EPM2A: variants seen among roughly 807,000 people sequenced by gnomAD.
EPM2A encodes the protein laforin.
In EPM2A, 21 loss-of-function variants were observed where a neutral mutation model predicts 26.5. That is an observed-to-expected ratio of 0.79 (90% CI 0.56 to 1.14). The LOEUF is 1.14. Among genes scored for constraint, EPM2A ranks in the 50% most tolerant of loss-of-function variants. EPM2A has a pLI of 0.00. For missense variants in EPM2A, 458 were observed against 440.8 expected, an observed-to-expected ratio of 1.04 and a Z score of -0.35; for synonymous variants, 217 against 177.6, an observed-to-expected ratio of 1.22 and a Z score of -1.76.
intron 4 of EPM2A, among the ~76,000 whole-genome samples, chr6:145,411,306 T>C (rs1165245897): frequency 4.6e-5 from 7 of 152,176 alleles, no homozygotes; most frequent in Admixed American, 4.6e-4. Context: ...AACTGATACA[T>C]AAAAGGTGCA....
intron 4 of EPM2A, among the ~76,000 whole-genome samples, chr6:145,446,710 A>G (rs1779133435): frequency 6.6e-6 from 1 of 151,736 alleles, no homozygotes; most frequent in Admixed American, 6.6e-5. Context: ...TGAGCCTCTT[A>G]TCACTTCTTC....
chr6:145,460,883 T>TA (rs11325308), intron 4 of EPM2A, among the ~76,000 whole-genome samples: 4 of 152,092 alleles, frequency 2.6e-5, no homozygotes, highest in South Asian at 2.1e-4. Context: ...CATATTCTCT[T>TA]AAAAAAAATC....
intron 1 of EPM2A, among the ~76,000 whole-genome samples, chr6:145,702,516 C>A (rs1781976744): frequency 6.6e-6 from 1 of 151,986 alleles, no homozygotes; most frequent in South Asian, 2.1e-4. Context: ...CCTCATAGGG[C>A]TGTTGTGAGA....
chr6:145,394,012 T>C (rs7759297), intron 4 of EPM2A, among the ~76,000 whole-genome samples: 1 of 151,400 alleles, frequency 6.6e-6, no homozygotes, highest in African/African-American at 2.4e-5. Context: ...TTTAGTAGAG[T>C]CAGGGTTTCA....
At chr6:145,502,697 A>C (rs1427553042) in intron 2 of EPM2A, 2 of 416,540 alleles carry the variant, frequency 4.8e-6, no homozygotes, top group Non-Finnish European at 9.9e-6. Flanking sequence ...ATTTCCTATC[A>C]TGTAATATAC....
intron 3 of EPM2A, chr6:145,633,862 G>A (rs1776448012): frequency 6.6e-6 from 1 of 152,274 alleles, no homozygotes; most frequent in African/African-American, 2.4e-5. Flanking sequence ...GCTGTCTGGA[G>A]CAATGTTCTG....
intron 2 of EPM2A, among the ~76,000 whole-genome samples, chr6:145,567,134 C>A (rs1780894457): frequency 6.6e-6 from 1 of 152,174 alleles, no homozygotes; most frequent in Admixed American, 6.5e-5. Context: ...TACACAGTAT[C>A]CCATTCATGC....
intron 4 of EPM2A, among the ~76,000 whole-genome samples, chr6:145,413,937 C>T (rs1778675188): frequency 6.6e-6 from 1 of 152,138 alleles, no homozygotes; most frequent in Admixed American, 6.5e-5. Context: ...GGCCTCTTCC[C>T]CCTCTCCTTC....
chr6:145,403,252 C>G (rs1268788753), intron 4 of EPM2A, among the ~76,000 whole-genome samples: 1 of 151,172 alleles, frequency 6.6e-6, no homozygotes, highest in East Asian at 1.9e-4. Flanking sequence ...AATCCAATTA[C>G]TCTTTAAGTT....
intron 2 of EPM2A, among the ~76,000 whole-genome samples, chr6:145,604,986 A>C (rs1319815463): frequency 6.6e-6 from 1 of 152,170 alleles, no homozygotes; most frequent in African/African-American, 2.4e-5. Context: ...GGGACCATGA[A>C]GCTTTAAAGA....
At position 145,574,536 on chromosome 6, in the gene EPM2A, T is replaced by G. The variant is rs1025821192; in HGVS notation, c.340+60709A>C. 2.8e-4 allele frequency among the ~76,000 whole-genome samples: 43 copies of G among 152,320 alleles called. 2 individuals carry two copies. The highest frequency in any genetic ancestry group is 2.2e-3 in the Admixed American group (34 of 15,296). Reference sequence around the variant, plus strand: ...TTACAGGGTTCTTCAAAGATGCAGGTGCTGCCCTCACAAATCTATTTCACA... The same window carrying G: ...TTACAGGGTTCTTCAAAGATGCAGGGGCTGCCCTCACAAATCTATTTCACA... On this transcript the variant is annotated intron_variant, in intron 2 of 3. Transcript: ENST00000450221.
chr6:145,425,152 T>TCCTTCCTTCCTTCCTTCCTTCCTC (rs1778838338), intron 4 of EPM2A, among the ~76,000 whole-genome samples: 1 of 151,086 alleles, frequency 6.6e-6, no homozygotes, highest in Non-Finnish European at 1.5e-5. Context: ...CTTCCTTCCT[T>TCCTTCCTTCCTTCCTTCCTTCCTC]CCTTCCTTTC....
chr6:145,535,873 A>G (rs1780424180), intron 2 of EPM2A, among the ~76,000 whole-genome samples: 1 of 152,240 alleles, frequency 6.6e-6, no homozygotes, highest in African/African-American at 2.4e-5. Flanking sequence ...TGACTTTCAC[A>G]GGAGTGGAAC....
downstream of EPM2A, chr6:145,501,529 A>G: frequency 3.9e-6 from 1 of 256,540 alleles, no homozygotes; most frequent in South Asian, 4.6e-5. Context: ...TATAATTGAC[A>G]TAACTGGTAG....
chr6:145,545,428 G>C (rs997871890), intron 2 of EPM2A, among the ~76,000 whole-genome samples: 2 of 152,126 alleles, frequency 1.3e-5, no homozygotes, highest in Admixed American at 6.6e-5. Context: ...AAGTCACATG[G>C]CCAAACCTAC....
chr6:145,624,209 G>A (rs1001591723), downstream of EPM2A, among the ~76,000 whole-genome samples: 4 of 151,922 alleles, frequency 2.6e-5, no homozygotes, highest in East Asian at 1.9e-4. Flanking sequence ...TTCCTACTGC[G>A]ATCTAGTCCC....
At chr6:145,510,279 C>T (rs1220620922) in intron 2 of EPM2A, among the ~76,000 whole-genome samples, 2 of 152,142 alleles carry the variant, frequency 1.3e-5, no homozygotes, top group African/African-American at 4.8e-5. Context: ...CCAACAACCA[C>T]AGAATATACA....
rs1367136015 is a variant in EPM2A at position 145,639,613 on chromosome 6, G to A, written c.477-4127C>T. ...TTTAAATATCAGTAAAAAATATGGAGATGAGAAAAAATGGGCTTCCTCAGT... is the reference window on the plus strand; with the variant it reads ...TTTAAATATCAGTAAAAAATATGGAAATGAGAAAAAATGGGCTTCCTCAGT... On this transcript the variant is annotated intron_variant, in intron 2 of 3. Coordinates refer to ENST00000367519, the MANE Select transcript of EPM2A (RefSeq NM_005670.4). The A allele has an allele frequency of 3.9e-5, 6 of 152,082 alleles. No individual in the cohort carries two copies. In the East Asian group the frequency reaches 9.6e-4, roughly 24 times the overall value. 9.4% of individuals were successfully genotyped at this position (152,082 alleles called of 1,614,324 possible).
At position 145,692,929 on chromosome 6, in the gene EPM2A, GT is replaced by G. The variant is rs200012205; in HGVS notation, c.302-6634del. 4.1e-3 allele frequency among the ~76,000 whole-genome samples: 627 copies of G among 152,064 alleles called. 18 individuals carry two copies. The East Asian group carries it at 0.07, about 17-fold the overall frequency. On this transcript the variant is annotated intron_variant, in intron 1 of 3. Coordinates refer to ENST00000367519, the MANE Select transcript of EPM2A (RefSeq NM_005670.4). ...TTTTGATTCCATATGAATTTTTAAA[GT>G]TTTTTCTAATTCTGTGAAGAATTTT...
Sources: allele counts gnomAD v4.1 joint callset (sites outside exome capture counted in the v4.1 genomes callset), GRCh38; gene constraint gnomAD v4.1.1; transcripts MANE v1.5; gene names NCBI Gene and HGNC (gene_info 2026-07-23, HGNC 2026-07-21).